Variants in SNX13 observed in about 807,000 individuals in gnomAD.
SNX13 encodes sorting nexin 13, also known as sorting nexin-13.
In SNX13, 45 loss-of-function variants were observed where a neutral mutation model predicts 133.6. That is an observed-to-expected ratio of 0.34 (90% CI 0.27 to 0.43). The LOEUF is 0.43. Ranked by LOEUF, SNX13 falls within the 20% of genes least tolerant of loss-of-function variation. SNX13 has a pLI of 1.00. For synonymous variants in SNX13, 414 were observed against 373.9 expected (o/e 1.11, Z -1.24); for missense variants, 1,032 against 1,145.1 (o/e 0.90, Z 1.43).
intron 1 of SNX13, among the ~76,000 whole-genome samples, chr7:17,920,159 C>G (rs1450944541): frequency 6.6e-6 from 1 of 152,104 alleles, no homozygotes; most frequent in Non-Finnish European, 1.5e-5. Context: ...GCAAAATAGA[C>G]TAATGTTTAA....
intron 20 of SNX13, among the ~76,000 whole-genome samples, chr7:17,805,256 C>T (rs796347695): frequency 0.054 from 3,146 of 57,840 alleles, 70 homozygotes; most frequent in African/African-American, 0.13. Flanking sequence ...TGTGTGCGTG[C>T]GCGCGCGCGC....
intron 2 of SNX13, 140 bp from the exon 3 acceptor site, chr7:17,893,574 G>A (rs1796869447): frequency 1.7e-6 from 1 of 598,790 alleles, no homozygotes. Flanking sequence ...GGCAAAGCAA[G>A]AAATTGACAG....
chr7:17,924,937 G>T lies in SNX13; in HGVS notation c.12+15347C>A, dbSNP rs567632159. ...AAACAGGCAAAACCGGCCTGGCACA[G>T]TGGCTCACCCCTGTAATCCCAGCAC... On this transcript the variant is annotated intron_variant, in intron 1 of 25. Transcript: ENST00000428135. 2.5e-3 allele frequency among the ~76,000 whole-genome samples: 375 copies of T among 152,314 alleles called. 1 individual carries two copies. The highest frequency in any genetic ancestry group is 4.2e-3 in the Non-Finnish European group (284 of 68,030).
chr7:17,838,897 T>C lies in SNX13; in HGVS notation c.1359+910A>G, dbSNP rs555684405. On this transcript the variant is annotated intron_variant, in intron 13 of 25. Transcript: ENST00000428135. Reference sequence around the variant, plus strand: ...ATGTTTCATGTGTTCTGGAAAATAATGTGTATTTTGCTTTCATTAGGGGAA... The same window carrying C: ...ATGTTTCATGTGTTCTGGAAAATAACGTGTATTTTGCTTTCATTAGGGGAA... 3.3e-5 allele frequency among the ~76,000 whole-genome samples: 5 copies of C among 151,614 alleles called. No homozygotes were observed. In the East Asian group the frequency reaches 9.7e-4, roughly 29 times the overall value.
At chr7:17,838,212 G>C (rs1789382878) in intron 13 of SNX13, among the ~76,000 whole-genome samples, 2 of 152,014 alleles carry the variant, frequency 1.3e-5, no homozygotes, top group South Asian at 4.1e-4. Context: ...TCTTGAGTTA[G>C]TGTGGCAATC....
intron 10 of SNX13, 59 bp downstream of exon 10, chr7:17,850,767 G>C (rs1024482319): frequency 1.1e-5 from 14 of 1,313,278 alleles, no homozygotes; most frequent in Non-Finnish European, 1.3e-5. Flanking sequence ...ATTAATCAAA[G>C]TTTTGAAGAT....
At chr7:17,901,894 C>T (rs1289459390) in intron 1 of SNX13, among the ~76,000 whole-genome samples, 1 of 152,124 alleles carries the variant, frequency 6.6e-6, no homozygotes, top group Non-Finnish European at 1.5e-5. Flanking sequence ...TGCTCTGCAT[C>T]CCCCAGTATT....
At chr7:17,813,746 C>A (rs1786326372) in intron 20 of SNX13, among the ~76,000 whole-genome samples, 1 of 151,746 alleles carries the variant, frequency 6.6e-6, no homozygotes. Flanking sequence ...ACCACCATGC[C>A]CAGCTAGTAT....
intron 1 of SNX13, among the ~76,000 whole-genome samples, chr7:17,916,364 A>G (rs1799565353): frequency 6.6e-6 from 1 of 152,186 alleles, no homozygotes. Context: ...GGATCAACAA[A>G]ATCAAAAGTT....
At chr7:17,847,007 A>G (rs1790621773) in intron 11 of SNX13, among the ~76,000 whole-genome samples, 1 of 152,210 alleles carries the variant, frequency 6.6e-6, no homozygotes, top group Non-Finnish European at 1.5e-5. Flanking sequence ...CTTGTATTCA[A>G]AATGGAATTG....
chr7:17,806,723 G>T (rs1474163304), intron 20 of SNX13, among the ~76,000 whole-genome samples: 1 of 152,172 alleles, frequency 6.6e-6, no homozygotes, highest in African/African-American at 2.4e-5. Context: ...CAACGCAGAA[G>T]GTGGGTGATT....
chr7:17,872,219 A>G lies in SNX13; in HGVS notation c.753+1309T>C, dbSNP rs191372699. Among the ~76,000 whole-genome samples, 559 of 152,346 alleles carry G rather than the reference A, an allele frequency of 3.7e-3. 5 individuals carry two copies. Among genetic ancestry groups the G allele is most frequent in the African/African-American group, 0.013 (534 of 41,566 alleles). The stretch of plus-strand genomic sequence containing the variant: ...TAAGATCTTGAATAATCAAAATTTA[A>G]GCAGAAGAGAAGTTAAGGAGTATAA... On this transcript the variant is annotated intron_variant, in intron 8 of 25. Transcript: ENST00000428135.
At chr7:17,939,516 C>G (rs903556019) in intron 1 of SNX13, among the ~76,000 whole-genome samples, 1 of 152,076 alleles carries the variant, frequency 6.6e-6, no homozygotes, top group African/African-American at 2.4e-5. Flanking sequence ...GCAAACTCTA[C>G]TTCTTCAAAA....
chr7:17,883,492 G>T (rs1343625606), intron 5 of SNX13, among the ~76,000 whole-genome samples: 1 of 152,128 alleles, frequency 6.6e-6, no homozygotes, highest in Admixed American at 6.5e-5. Flanking sequence ...CTTCTATAGT[G>T]AAATGTCTAT....
At position 17,794,020 on chromosome 7, in the gene SNX13, A is replaced by C; in HGVS notation, c.*25T>G. Reference sequence around the variant, plus strand: ...CATACCATTAGTCCTGGACAAAATGAACACCAGCTTCATAGAGTGGAGTGT... The same window carrying C: ...CATACCATTAGTCCTGGACAAAATGCACACCAGCTTCATAGAGTGGAGTGT... On this transcript the variant is annotated 3_prime_UTR_variant, in exon 26 of 26. Transcript: ENST00000428135. The C allele has an allele frequency of 1.2e-6, 2 of 1,606,618 alleles. No homozygotes were observed. The highest frequency in any genetic ancestry group is 8.5e-7 in the Non-Finnish European group (1 of 1,175,830).
At chr7:17,798,222 T>C (rs912600684) in intron 24 of SNX13, among the ~76,000 whole-genome samples, 1 of 151,866 alleles carries the variant, frequency 6.6e-6, no homozygotes, top group African/African-American at 2.4e-5. Flanking sequence ...TAGAAAGAAA[T>C]ATGAAGTAGG....
At chr7:17,870,699 A>G (rs1793986660) in intron 8 of SNX13, among the ~76,000 whole-genome samples, 2 of 152,220 alleles carry the variant, frequency 1.3e-5, no homozygotes, top group South Asian at 2.1e-4. Context: ...AGCATCTGCT[A>G]TGTGCCAAGT....
intron 1 of SNX13, among the ~76,000 whole-genome samples, chr7:17,937,584 T>C (rs1405193197): frequency 1.3e-5 from 2 of 151,066 alleles, no homozygotes; most frequent in Non-Finnish European, 3.0e-5. Context: ...TGAACACTTA[T>C]CATTACTATT....
chr7:17,848,773 C>T (rs1053137072), intron 11 of SNX13, among the ~76,000 whole-genome samples: 7 of 152,346 alleles, frequency 4.6e-5, no homozygotes, highest in African/African-American at 9.6e-5. Flanking sequence ...GGCTTGCTCA[C>T]GCGCTCCCCA....
Sources: gnomAD v4.1 joint callset for allele counts (sites outside exome capture counted in the v4.1 genomes callset) on GRCh38, gnomAD v4.1.1 for gene constraint, MANE v1.5 for transcripts, NCBI Gene and HGNC (gene_info 2026-07-23, HGNC 2026-07-21) for gene names.